The following SLC23A2 variants were observed in gnomAD, a reference collection of about 807,000 sequenced individuals.
The protein encoded by SLC23A2 is Na(+)/L-ascorbic acid transporter 2.
SLC23A2 carries 36 observed loss-of-function variants against 73.3 expected under a neutral mutation model. The ratio of observed to expected loss-of-function variants is 0.49; its 90% CI spans 0.38 to 0.65. The LOEUF (loss-of-function observed/expected upper bound fraction) is 0.65, where lower values mean the gene tolerates loss of function less well. Among genes scored for constraint, SLC23A2 ranks in the 30% least tolerant of loss-of-function variants. The pLI, the probability that SLC23A2 is intolerant of heterozygous loss-of-function variation, is 0.00. For synonymous variants in SLC23A2, 343 were observed against 327.3 expected (o/e 1.05, Z -0.52); for missense variants, 507 against 841.6 (o/e 0.60, Z 4.92).
chr20:4,962,907 G>C (rs2087415193), intron 2 of SLC23A2, among the ~76,000 whole-genome samples: 1 of 152,322 alleles, frequency 6.6e-6, no homozygotes, highest in African/African-American at 2.4e-5. Flanking sequence ...TGAGGCAGGA[G>C]AATCGCTTAG....
At chr20:4,955,754 A>G (rs1415183720) in intron 2 of SLC23A2, among the ~76,000 whole-genome samples, 1 of 151,876 alleles carries the variant, frequency 6.6e-6, no homozygotes, top group Non-Finnish European at 1.5e-5. Flanking sequence ...GGGCCGCTGT[A>G]CTCCAGCCTG....
intron 2 of SLC23A2, among the ~76,000 whole-genome samples, chr20:4,942,342 A>G (rs1388115658): frequency 1.3e-5 from 2 of 148,440 alleles, no homozygotes; most frequent in Non-Finnish European, 3.0e-5. Flanking sequence ...AAAAATCACT[A>G]CCTTAAAGGA....
chr20:4,974,653 C>T (rs902898173), intron 1 of SLC23A2, among the ~76,000 whole-genome samples: 6 of 151,964 alleles, frequency 3.9e-5, no homozygotes, highest in African/African-American at 1.5e-4. Flanking sequence ...CCTTATACTA[C>T]CCTTATATCC....
upstream of SLC23A2, among the ~76,000 whole-genome samples, chr20:5,005,306 TA>T (rs376791563): frequency 0.011 from 1,700 of 152,194 alleles, 67 homozygotes; most frequent in South Asian, 0.15. Flanking sequence ...TATCATCAAT[TA>T]AAAAAATACA....
chr20:5,007,515 A>G (rs1471360656), intron 1 of SLC23A2, among the ~76,000 whole-genome samples: 9 of 152,224 alleles, frequency 5.9e-5, no homozygotes, highest in Admixed American at 5.9e-4. Flanking sequence ...TGGGCAATAG[A>G]GCAAGACTCA....
At chr20:4,870,236 A>G (rs1308561322) in intron 11 of SLC23A2, among the ~76,000 whole-genome samples, 183 bp from the exon 12 acceptor site, 1 of 152,216 alleles carries the variant, frequency 6.6e-6, no homozygotes, top group African/African-American at 2.4e-5. Flanking sequence ...GCTAAGTCAG[A>G]TGAAGGCGGC....
intron 4 of SLC23A2, among the ~76,000 whole-genome samples, chr20:4,911,991 C>G: frequency 6.7e-6 from 1 of 149,976 alleles, no homozygotes; most frequent in Non-Finnish European, 1.5e-5. Flanking sequence ...CACACATCAC[C>G]ACACCTGGAT....
chr20:4,905,135 A>G (rs1473680649), intron 4 of SLC23A2, among the ~76,000 whole-genome samples: 1 of 142,898 alleles, frequency 7.0e-6, no homozygotes, highest in Non-Finnish European at 1.6e-5. Context: ...AAAAAAAAAA[A>G]GCAAGACTTT....
chr20:5,004,670 C>T (rs2088170093), upstream of SLC23A2, among the ~76,000 whole-genome samples: 1 of 152,076 alleles, frequency 6.6e-6, no homozygotes, highest in Admixed American at 6.6e-5. Flanking sequence ...CATGGGGAGA[C>T]CCCATCTCTG....
chr20:4,875,478 G>C (rs903448866), intron 9 of SLC23A2, among the ~76,000 whole-genome samples: 4 of 152,174 alleles, frequency 2.6e-5, no homozygotes, highest in African/African-American at 7.2e-5. Flanking sequence ...CAGGAATCTA[G>C]CTCTATGGCT....
At chr20:4,917,573 A>G (rs1378575646) in intron 3 of SLC23A2, among the ~76,000 whole-genome samples, 2 of 152,184 alleles carry the variant, frequency 1.3e-5, no homozygotes, top group Non-Finnish European at 2.9e-5. Context: ...ACCCACAGAA[A>G]TCATCCAAAA....
In SLC23A2 at chr20:4,863,059, C is replaced by T; in HGVS notation, c.1357-152G>A. Reference sequence around the variant, plus strand: ...ACTCTTCTCACCTCCACTGTGGGGACCCTGAGGGCCGCCCTCTGCATCTCC... The same window carrying T: ...ACTCTTCTCACCTCCACTGTGGGGATCCTGAGGGCCGCCCTCTGCATCTCC... On this transcript the variant is annotated intron_variant, in intron 13 of 16. Coordinates refer to ENST00000338244, the MANE Select transcript of SLC23A2 (RefSeq NM_005116.6). The surrounding 1 kb of genome is among the most constrained non-coding windows in gnomAD (Gnocchi z 4.8). 1 of 693,682 alleles carries T rather than the reference C, an allele frequency of 1.4e-6. No individual in the cohort carries two copies. The allele number at this position is 693,682 out of a possible 1,614,324, so 43.0% of individuals were successfully genotyped here.
chr20:4,945,086 G>A (rs143195144), intron 2 of SLC23A2, among the ~76,000 whole-genome samples: 2 of 152,064 alleles, frequency 1.3e-5, no homozygotes, highest in Non-Finnish European at 2.9e-5. Context: ...AATACACAGA[G>A]TCCGACTTCA....
intron 1 of SLC23A2, among the ~76,000 whole-genome samples, chr20:4,986,003 C>T (rs902272461): frequency 2.0e-5 from 3 of 152,058 alleles, no homozygotes; most frequent in Non-Finnish European, 4.4e-5. Flanking sequence ...GTAGGGAATC[C>T]CTCTCCCGCC....
chr20:4,915,491 G>T (rs1932290331), intron 3 of SLC23A2, among the ~76,000 whole-genome samples: 1 of 152,166 alleles, frequency 6.6e-6, no homozygotes, highest in African/African-American at 2.4e-5. Flanking sequence ...TAATAGGGAA[G>T]AAATTTAAGA....
chr20:4,856,207 C>A lies in SLC23A2; in HGVS notation c.*765G>T, dbSNP rs1270957786. ...CACACCGGCCAACAGTGATAAATGC[C>A]AGAGAGGGTGTCTCGGCCACTAGTG... On this transcript the variant is annotated 3_prime_UTR_variant, in exon 17 of 17. Coordinates refer to ENST00000338244, the MANE Select transcript of SLC23A2 (RefSeq NM_005116.6). This position sits in a 1 kb window ranked among gnomAD's most constrained non-coding sequence, Gnocchi z 4.6. The A allele has an allele frequency of 6.6e-6, 1 of 152,196 alleles. No homozygotes were observed. Among genetic ancestry groups the A allele is most frequent in the African/African-American group, 2.4e-5 (1 of 41,440 alleles). 9.4% of individuals were successfully genotyped at this position (152,196 alleles called of 1,614,324 possible).
chr20:4,910,597 GGC>G (rs1932107405), intron 4 of SLC23A2, among the ~76,000 whole-genome samples: 1 of 151,982 alleles, frequency 6.6e-6, no homozygotes, highest in Admixed American at 6.6e-5. Context: ...CACCCCTCCT[GGC>G]TAATTTTTGT....
chr20:4,939,294 T>A (rs945160099), intron 2 of SLC23A2, among the ~76,000 whole-genome samples: 1 of 152,192 alleles, frequency 6.6e-6, no homozygotes, highest in Non-Finnish European at 1.5e-5. Flanking sequence ...TGTGGTATAA[T>A]GTAAGAGTGG....
chr20:4,859,264 A>T, intron 16 of SLC23A2, 25 bp downstream of exon 16: 1 of 1,345,082 alleles, frequency 7.4e-7, no homozygotes, highest in Non-Finnish European at 1.0e-6. Flanking sequence ...AAAAAAAAAA[A>T]GTGTGTTTGA....
Sources: allele counts gnomAD v4.1 joint callset (sites outside exome capture counted in the v4.1 genomes callset), GRCh38; gene constraint gnomAD v4.1.1; non-coding constraint Gnocchi (gnomAD v3.1); transcripts MANE v1.5; gene names NCBI Gene and HGNC (gene_info 2026-07-23, HGNC 2026-07-21).